Variants in NFAT5 observed in about 807,000 individuals in gnomAD.
NFAT5 encodes the protein nuclear factor of activated T cells 5.
NFAT5 carries 31 observed loss-of-function variants against 166.5 expected under a neutral mutation model. The ratio of observed to expected loss-of-function variants is 0.19; its 90% confidence interval spans 0.14 to 0.25. The LOEUF (loss-of-function observed/expected upper bound fraction) is 0.25, where lower values mean the gene tolerates loss of function less well. Among genes scored for constraint, NFAT5 ranks in the 10% least tolerant of loss-of-function variants. The probability of loss-of-function intolerance (pLI) is 1.00; values close to 1 mark genes in which losing one functional copy is unlikely to be tolerated. For missense variants in NFAT5, 1,449 were observed against 1,821.8 expected, an observed-to-expected ratio of 0.80 and a Z score of 3.72; for synonymous variants, 612 against 639.7, an observed-to-expected ratio of 0.96 and a Z score of 0.65.
chr16:69,598,944 G>A (rs2032967892), intron 2 of NFAT5, among the ~76,000 whole-genome samples: 1 of 151,350 alleles, frequency 6.6e-6, no homozygotes, highest in South Asian at 2.1e-4. Context: ...AACCTGGGAG[G>A]TGGAGGTTGC....
intron 2 of NFAT5, among the ~76,000 whole-genome samples, chr16:69,585,574 C>G (rs2032003469): frequency 6.6e-6 from 1 of 151,974 alleles, no homozygotes; most frequent in South Asian, 2.1e-4. Context: ...GGAGACAACC[C>G]AGGTGTCTTT....
chr16:69,625,136 A>G (rs1359816481), intron 2 of NFAT5, among the ~76,000 whole-genome samples: 1 of 152,026 alleles, frequency 6.6e-6, no homozygotes, highest in Non-Finnish European at 1.5e-5. Context: ...TCCTGACTTC[A>G]GGTGATCCAC....
At chr16:69,634,306 A>G (rs1383155703) in intron 3 of NFAT5, among the ~76,000 whole-genome samples, 8 of 151,658 alleles carry the variant, frequency 5.3e-5, no homozygotes, top group East Asian at 1.9e-4. Context: ...AAAATCATAC[A>G]TAGTAAAATG....
At chr16:69,675,703 G>A (rs1324290345) in intron 9 of NFAT5, among the ~76,000 whole-genome samples, 6 of 151,978 alleles carry the variant, frequency 3.9e-5, no homozygotes, top group African/African-American at 1.5e-4. Context: ...GCAATGACGC[G>A]CTCTTGGCTC....
intron 2 of NFAT5, among the ~76,000 whole-genome samples, chr16:69,616,726 G>A (rs1020859730): frequency 7.3e-5 from 11 of 151,618 alleles, no homozygotes; most frequent in African/African-American, 2.7e-4. Flanking sequence ...GTCCTATATA[G>A]ATACTTTCTT....
intron 2 of NFAT5, among the ~76,000 whole-genome samples, chr16:69,619,896 C>G (rs1265974058): frequency 6.6e-6 from 1 of 152,180 alleles, no homozygotes; most frequent in Non-Finnish European, 1.5e-5. Context: ...TCCTGTGCCT[C>G]AGAATAGGAT....
At chr16:69,567,958 A>G (rs2016171459) in intron 1 of NFAT5, among the ~76,000 whole-genome samples, 1 of 152,198 alleles carries the variant, frequency 6.6e-6, no homozygotes, top group Non-Finnish European at 1.5e-5. Context: ...ACCAATGTAG[A>G]GACAATTCAG....
intron 2 of NFAT5, among the ~76,000 whole-genome samples, chr16:69,622,396 A>G (rs1239778912): frequency 6.6e-6 from 1 of 152,222 alleles, no homozygotes; most frequent in Non-Finnish European, 1.5e-5. Flanking sequence ...CACTTGAGTC[A>G]GTTAATCAGA....
intron 10 of NFAT5, among the ~76,000 whole-genome samples, chr16:69,681,214 C>T (rs574073877): frequency 6.6e-6 from 1 of 152,234 alleles, no homozygotes; most frequent in South Asian, 2.1e-4. Flanking sequence ...CATTTAGGGA[C>T]TGTTGTTAAA....
intron 2 of NFAT5, among the ~76,000 whole-genome samples, chr16:69,615,127 C>T (rs1399982107): frequency 1.3e-5 from 2 of 151,818 alleles, no homozygotes; most frequent in Admixed American, 6.6e-5. Flanking sequence ...CTGCAACCTC[C>T]TCCTCCTGGG....
rs118037199 is a variant in NFAT5, at chr16:69,702,725, C to T, written c.*6374C>T. The stretch of plus-strand genomic sequence containing the variant: ...AAGTTTAGGAACCACTGGGCTAAGA[C>T]TCTGTTGAGATATAGAGTTTTTCTT... On this transcript the variant is annotated 3_prime_UTR_variant, in exon 15 of 15. Coordinates refer to ENST00000349945, the MANE Select transcript of NFAT5 (RefSeq NM_138713.4). 1.6e-3 allele frequency: 252 copies of T among 152,738 alleles called. 1 individual carries two copies. The highest frequency in any genetic ancestry group is 2.5e-3 in the Non-Finnish European group (172 of 68,034). 9.5% of individuals were successfully genotyped at this position (152,738 alleles called of 1,614,324 possible).
Position 69,698,467 on chromosome 16 carries a change from C to T in NFAT5, c.*2116C>T, listed in dbSNP as rs888136691. On this transcript the variant is annotated 3_prime_UTR_variant, in exon 15 of 15. Transcript: ENST00000349945. ...ATTTGTGAGTTTGTCTGATGTTCTA[C>T]CACAACGTGGCGTCTGATAACAGTG... 6.6e-6 allele frequency: 1 copy of T among 151,410 alleles called. No homozygotes were observed. Among genetic ancestry groups the T allele is most frequent in the African/African-American group, 2.4e-5 (1 of 40,954 alleles). 9.4% of individuals were successfully genotyped at this position (151,410 alleles called of 1,614,324 possible). A position where few individuals can be genotyped will look rare whatever the true frequency, so the allele number is the denominator to read the frequency against.
At chr16:69,662,496 G>A (rs1597495235) in intron 7 of NFAT5, among the ~76,000 whole-genome samples, 1 of 113,452 alleles carries the variant, frequency 8.8e-6, no homozygotes, top group Non-Finnish European at 1.7e-5. Context: ...TCGCTCTGTT[G>A]CCCAGGCTGA....
intron 10 of NFAT5, among the ~76,000 whole-genome samples, chr16:69,683,375 T>C (rs138616144): frequency 6.6e-6 from 1 of 151,242 alleles, no homozygotes; most frequent in East Asian, 2.0e-4. Flanking sequence ...CTACCAAAAA[T>C]ATAAAAATTA....
At chr16:69,654,803 A>G (rs1476300974) in intron 5 of NFAT5, among the ~76,000 whole-genome samples, 1 of 152,208 alleles carries the variant, frequency 6.6e-6, no homozygotes, top group Non-Finnish European at 1.5e-5. Context: ...ATGTAGCTGT[A>G]CTGGAATAGA....
At position 69,627,321 on chromosome 16, in the gene NFAT5, AACATATATAT is replaced by A. The variant is rs2034505436; in HGVS notation, c.253+795_253+804del. Among the ~76,000 whole-genome samples the A allele has an allele frequency of 3.2e-5, 3 of 94,154 alleles. No homozygotes were observed. The Admixed American group carries it at 3.6e-4, about 11-fold the overall frequency. The allele number at this position is 94,154 out of a possible 152,430, so 61.8% of individuals were successfully genotyped here. A position where few individuals can be genotyped will look rare whatever the true frequency, so the allele number is the denominator to read the frequency against. ...AAGTGTGTTTGTTTTAAAAAAAGGA[AACATATATAT>A]ATATATATATATATATATATATATA... On this transcript the variant is annotated intron_variant, in intron 3 of 14. Coordinates refer to ENST00000349945, the MANE Select transcript of NFAT5 (RefSeq NM_138713.4).
chr16:69,641,239 C>T lies in NFAT5; in HGVS notation c.254-5789C>T, dbSNP rs1327419466. ...GTTGCAGTGAGCCAAGATTGTGCCA[C>T]TGCATTCCAGCCTGGGCAACAGAGT... is the stretch of plus-strand genomic sequence containing the variant. On this transcript the variant is annotated intron_variant, in intron 3 of 14. Transcript: ENST00000349945. 1.7e-4 allele frequency among the ~76,000 whole-genome samples: 23 copies of T among 132,696 alleles called. No homozygotes were observed. The South Asian group carries it at 1.9e-3, about 11-fold the overall frequency. 87.1% of individuals were successfully genotyped at this position (132,696 alleles called of 152,430 possible).
At chr16:69,695,582 G>C in intron 14 of NFAT5, 1 of 500,144 alleles carries the variant, frequency 2.0e-6, no homozygotes, top group East Asian at 3.4e-5. Flanking sequence ...GGTGGCTCAT[G>C]CCTGTAATCC....
At chr16:69,660,012 C>G (rs1213220548) in intron 7 of NFAT5, 113 bp downstream of exon 7, 13 of 915,798 alleles carry the variant, frequency 1.4e-5, no homozygotes, top group Non-Finnish European at 2.1e-5. Context: ...TGTGATCATG[C>G]AAAATTTGAA....
Sources: allele counts gnomAD v4.1 joint callset (sites outside exome capture counted in the v4.1 genomes callset), GRCh38; gene constraint gnomAD v4.1.1; transcripts MANE v1.5; gene names NCBI Gene and HGNC (gene_info 2026-07-23, HGNC 2026-07-21).